Variants in ZNF431 observed in about 807,000 individuals in gnomAD.
The protein encoded by ZNF431 is zinc finger protein 431.
A neutral mutation model predicts 57.0 loss-of-function variants in ZNF431; 34 were observed. That is an observed-to-expected ratio of 0.60 (90% CI 0.45 to 0.79). The LOEUF (loss-of-function observed/expected upper bound fraction) is 0.79, where lower values mean the gene tolerates loss of function less well. Among genes scored for constraint, ZNF431 ranks in the 30% least tolerant of loss-of-function variants. The pLI is 0.00. For missense variants in ZNF431, 607 were observed against 667.1 expected (o/e 0.91, Z 0.99); for synonymous variants, 207 against 220.3 (o/e 0.94, Z 0.54).
intron 4 of ZNF431, among the ~76,000 whole-genome samples, chr19:21,175,050 C>G (rs1349994365): frequency 6.6e-6 from 1 of 151,948 alleles, no homozygotes; most frequent in African/African-American, 2.4e-5. Context: ...AGCCGCTGCA[C>G]CTGGCCAATG....
intron 2 of ZNF431, among the ~76,000 whole-genome samples, chr19:21,164,417 C>T (rs913832422): frequency 6.6e-6 from 1 of 152,006 alleles, no homozygotes; most frequent in African/African-American, 2.4e-5. Context: ...TATGGCAGAT[C>T]ATATTTTTAT....
At chr19:21,157,918 C>T (rs535885766) in intron 2 of ZNF431, among the ~76,000 whole-genome samples, 4 of 148,160 alleles carry the variant, frequency 2.7e-5, no homozygotes, top group African/African-American at 9.9e-5. Context: ...CAATACCGTT[C>T]TGCTTTTGTT....
chr19:21,175,143 T>C (rs1350496809), intron 4 of ZNF431, among the ~76,000 whole-genome samples: 3 of 152,118 alleles, frequency 2.0e-5, no homozygotes, highest in Non-Finnish European at 2.9e-5. Context: ...AGCCTCAACC[T>C]CCCAAACTCA....
intron 4 of ZNF431, among the ~76,000 whole-genome samples, chr19:21,176,922 C>T (rs1971070275): frequency 6.6e-6 from 1 of 152,126 alleles, no homozygotes; most frequent in Admixed American, 6.5e-5. Context: ...GTCTTGAACT[C>T]CTGACCCCAT....
chr19:21,162,349 T>C (rs2144979816), intron 2 of ZNF431, among the ~76,000 whole-genome samples: 1 of 152,204 alleles, frequency 6.6e-6, no homozygotes. Context: ...AATTTTTGTA[T>C]ATTTAGTAGA....
intron 2 of ZNF431, among the ~76,000 whole-genome samples, chr19:21,145,096 A>T (rs1466481944): frequency 3.7e-5 from 1 of 26,690 alleles, no homozygotes; most frequent in Admixed American, 2.6e-4. Flanking sequence ...ATAGTTTCGA[A>T]AACCAAGTGA....
intron 2 of ZNF431, among the ~76,000 whole-genome samples, chr19:21,154,762 G>T (rs1970372731): frequency 6.6e-6 from 1 of 152,170 alleles, no homozygotes; most frequent in Non-Finnish European, 1.5e-5. Flanking sequence ...GCATTTCTCT[G>T]ATGGCCAGTG....
At chr19:21,167,141 A>T in intron 3 of ZNF431, among the ~76,000 whole-genome samples, 1 of 151,134 alleles carries the variant, frequency 6.6e-6, no homozygotes, top group East Asian at 1.9e-4. Context: ...TACAGGCGTG[A>T]GCCACTGCGC....
Position 21,188,681 on chromosome 19 carries a change from G to C in ZNF431, c.*4647G>C, listed in dbSNP as rs1971436477. The C allele has an allele frequency of 6.6e-6, 1 of 152,136 alleles. No homozygotes were observed. The highest frequency in any genetic ancestry group is 1.5e-5 in the Non-Finnish European group (1 of 68,030). The allele number at this position is 152,136 out of a possible 1,614,324, so 9.4% of individuals were successfully genotyped here. ...AGTTTTTATTTTTAGTCACCAAACTGTAGCCAACTCTTGGGTCATTTTCTC... is the reference window on the plus strand; with the variant it reads ...AGTTTTTATTTTTAGTCACCAAACTCTAGCCAACTCTTGGGTCATTTTCTC... On this transcript the variant is annotated 3_prime_UTR_variant, in exon 5 of 5. Transcript: ENST00000311048.
intron 2 of ZNF431, chr19:21,162,624 C>A: frequency 1.5e-6 from 1 of 665,306 alleles, no homozygotes; most frequent in Non-Finnish European, 1.9e-6. Flanking sequence ...CTTTTTGGAG[C>A]CCTTATTTAG....
rs143017180 is a variant in ZNF431 at position 21,162,055 on chromosome 19, C to T, written c.97-4280C>T. Among the ~76,000 whole-genome samples the T allele has an allele frequency of 7.2e-3, 1,090 of 152,162 alleles. 10 individuals are homozygous for T. The highest frequency in any genetic ancestry group is 0.025 in the African/African-American group (1,034 of 41,508). On this transcript the variant is annotated intron_variant, in intron 2 of 4. Coordinates refer to ENST00000311048, the MANE Select transcript of ZNF431 (RefSeq NM_133473.4). ...GTAGTGGTGCAACCTCGGCTCACTG[C>T]AACCTCTGTCTCCCAGGTTCAAGTA...
rs998659765 is a variant in ZNF431 at position 21,184,884 on chromosome 19, G to T, written c.*850G>T. 2.0e-5 allele frequency: 3 copies of T among 152,104 alleles called. 1 individual carries two copies. The South Asian group carries it at 6.2e-4, about 31-fold the overall frequency. The allele number at this position is 152,104 out of a possible 1,614,324, so 9.4% of individuals were successfully genotyped here. ...GTTGAACATCACAAATATAAAAAGG[G>T]TTGTAGTGCCTTTACTTGTATCACA... On this transcript the variant is annotated 3_prime_UTR_variant, in exon 5 of 5. Transcript: ENST00000311048.
At chr19:21,160,730 T>G (rs1470332576) in intron 2 of ZNF431, among the ~76,000 whole-genome samples, 1 of 152,250 alleles carries the variant, frequency 6.6e-6, no homozygotes, top group Non-Finnish European at 1.5e-5. Context: ...GAAGTAATCC[T>G]GTGTTTTTTA....
chr19:21,166,587 T>C, intron 3 of ZNF431, 126 bp downstream of exon 3: 1 of 1,153,516 alleles, frequency 8.7e-7, no homozygotes, highest in Non-Finnish European at 1.2e-6. Context: ...TTCAAGAAAA[T>C]CTTGATGATT....
chr19:21,165,379 A>G (rs1970693926), intron 2 of ZNF431, among the ~76,000 whole-genome samples: 2 of 152,060 alleles, frequency 1.3e-5, no homozygotes, highest in South Asian at 2.1e-4. Flanking sequence ...CTAAAGAAAG[A>G]CTACTTAAAA....
Position 21,191,403 on chromosome 19 carries a change from G to A in ZNF431, c.*7369G>A, listed in dbSNP as rs1209447654. 1 of 151,934 alleles carries A rather than the reference G, an allele frequency of 6.6e-6. No individual in the cohort carries two copies. The highest frequency in any genetic ancestry group is 1.5e-5 in the Non-Finnish European group (1 of 68,038). 9.4% of individuals were successfully genotyped at this position (151,934 alleles called of 1,614,324 possible). A position where few individuals can be genotyped will look rare whatever the true frequency, so the allele number is the denominator to read the frequency against. On this transcript the variant is annotated 3_prime_UTR_variant, in exon 5 of 5. Transcript: ENST00000311048. Reference sequence around the variant, plus strand: ...AGAGGCGGAGGTTGTAGTGAGCCAAGGTCATGCCACTGCACTCCAGCCTTG... The same window carrying A: ...AGAGGCGGAGGTTGTAGTGAGCCAAAGTCATGCCACTGCACTCCAGCCTTG...
intron 1 of ZNF431, among the ~76,000 whole-genome samples, chr19:21,142,642 T>C (rs1306047914): frequency 6.6e-6 from 1 of 152,200 alleles, no homozygotes. Flanking sequence ...ATTCAAAAAT[T>C]GTGGAGCACC....
chr19:21,154,386 A>AT (rs1970363279), intron 2 of ZNF431, among the ~76,000 whole-genome samples: 1 of 152,146 alleles, frequency 6.6e-6, no homozygotes, highest in African/African-American at 2.4e-5. Flanking sequence ...TCCATGGTGT[A>AT]TATGTGCCAC....
rs1310901280 is a variant in ZNF431, at chr19:21,193,788, A to G, written c.*9754A>G. The G allele has an allele frequency of 6.6e-6, 1 of 152,216 alleles. No individual in the cohort carries two copies. The highest frequency in any genetic ancestry group is 1.5e-5 in the Non-Finnish European group (1 of 68,044). The allele number at this position is 152,216 out of a possible 1,614,324, so 9.4% of individuals were successfully genotyped here. ...ACCATACAATTAAAAGCAAAAATTT[A>G]TATGATTAACACAATAGATGCAGAA... On this transcript the variant is annotated 3_prime_UTR_variant, in exon 5 of 5. Coordinates refer to ENST00000311048, the MANE Select transcript of ZNF431 (RefSeq NM_133473.4).
Sources: gnomAD v4.1 joint callset for allele counts (sites outside exome capture counted in the v4.1 genomes callset) on GRCh38, gnomAD v4.1.1 for gene constraint, MANE v1.5 for transcripts, NCBI Gene and HGNC (gene_info 2026-07-23, HGNC 2026-07-21) for gene names.